The following YIPF1 variants were observed in gnomAD, a reference collection of about 807,000 sequenced individuals.
YIPF1 encodes the protein Yip1 domain family member 1, also known as protein YIPF1.
In YIPF1, 22 loss-of-function variants were observed where a neutral mutation model predicts 37.0. The ratio of observed to expected loss-of-function variants is 0.59; its 90% CI spans 0.42 to 0.85. The LOEUF (loss-of-function observed/expected upper bound fraction) is 0.85. Ranked by LOEUF, YIPF1 falls within the 40% of genes least tolerant of loss-of-function variation. The probability of loss-of-function intolerance (pLI) is 0.00; values close to 1 mark genes in which losing one functional copy is unlikely to be tolerated. For missense variants in YIPF1, 355 were observed against 373.1 expected (o/e 0.95, Z 0.40); for synonymous variants, 128 against 131.9 (o/e 0.97, Z 0.21).
intron 6 of YIPF1, among the ~76,000 whole-genome samples, chr1:53,877,881 T>C (rs999176838): frequency 1.6e-4 from 25 of 152,338 alleles, no homozygotes; most frequent in African/African-American, 5.8e-4. Flanking sequence ...CTCAAACTCC[T>C]TGGGCTCAAG....
intron 3 of YIPF1, 141 bp from the exon 4 acceptor site, chr1:53,883,417 A>C: frequency 1.1e-6 from 1 of 875,196 alleles, no homozygotes; most frequent in Non-Finnish European, 1.6e-6. Flanking sequence ...TTTGAAAAAC[A>C]AAAAATCTCA....
Position 53,884,234 on chromosome 1 carries a change from C to CAAAAAAAAA in YIPF1, c.32-967_32-959dup, listed in dbSNP as rs3058236. Among the ~76,000 whole-genome samples the CAAAAAAAAA allele has an allele frequency of 3.9e-4, 45 of 114,170 alleles. 1 individual carries two copies. The highest frequency in any genetic ancestry group is 1.5e-3 in the African/African-American group (44 of 30,148). 74.9% of individuals were successfully genotyped at this position (114,170 alleles called of 152,430 possible). Reference sequence around the variant, plus strand: ...TGGGCAAGAGAGTAAGACTTTGTCTCAAAAAAAAAAAAAAAAACCCAAAAA... The same window carrying CAAAAAAAAA: ...TGGGCAAGAGAGTAAGACTTTGTCTCAAAAAAAAAAAAAAAAAAAAAAAAAACCCAAAAA... On this transcript the variant is annotated intron_variant, in intron 3 of 10. Coordinates refer to ENST00000072644, the MANE Select transcript of YIPF1 (RefSeq NM_018982.5).
At chr1:53,883,834 T>C (rs984933095) in intron 3 of YIPF1, among the ~76,000 whole-genome samples, 3 of 151,946 alleles carry the variant, frequency 2.0e-5, no homozygotes, top group Admixed American at 1.3e-4. Flanking sequence ...GGTCAGGAGT[T>C]CGACCAGCCT....
At chr1:53,854,696 A>G (rs565573548) in intron 10 of YIPF1, among the ~76,000 whole-genome samples, 6 of 152,202 alleles carry the variant, frequency 3.9e-5, no homozygotes, top group Non-Finnish European at 8.8e-5. Context: ...CTGGGAGGGT[A>G]AGGACTGATC....
At chr1:53,868,273 C>T (rs896850103) in intron 7 of YIPF1, among the ~76,000 whole-genome samples, 1 of 152,134 alleles carries the variant, frequency 6.6e-6, no homozygotes, top group Non-Finnish European at 1.5e-5. Context: ...GTATTACACT[C>T]GGTGCTTTAT....
At chr1:53,860,257 T>A in intron 9 of YIPF1, 104 bp from the exon 10 acceptor site, 2 of 999,308 alleles carry the variant, frequency 2.0e-6, no homozygotes, top group Non-Finnish European at 3.0e-6. Context: ...TCACAGCCCC[T>A]AAGTTCTTCC....
intron 9 of YIPF1, among the ~76,000 whole-genome samples, chr1:53,863,400 G>A (rs776427279): frequency 4.6e-5 from 7 of 152,296 alleles, no homozygotes; most frequent in South Asian, 2.1e-4. Flanking sequence ...AGTGTCTGAC[G>A]ACACAGGCTC....
At chr1:53,876,458 T>A (rs1042239036) in intron 6 of YIPF1, among the ~76,000 whole-genome samples, 5 of 152,238 alleles carry the variant, frequency 3.3e-5, no homozygotes, top group Non-Finnish European at 2.9e-5. Context: ...CAACAAAACC[T>A]AATCCTCTCT....
chr1:53,866,409 G>A (rs1439756391), intron 8 of YIPF1, 27 bp from the exon 9 acceptor site: 6 of 1,605,196 alleles, frequency 3.7e-6, no homozygotes, highest in Non-Finnish European at 5.1e-6. Flanking sequence ...GGAGGAGCGG[G>A]GAGTTCTTGG....
intron 6 of YIPF1, among the ~76,000 whole-genome samples, chr1:53,877,208 T>A (rs1344244318): frequency 6.6e-6 from 1 of 152,016 alleles, no homozygotes; most frequent in African/African-American, 2.4e-5. Flanking sequence ...AGGCTACAAG[T>A]AAGAATGAAT....
intron 4 of YIPF1, among the ~76,000 whole-genome samples, chr1:53,879,751 A>G (rs1650439336): frequency 6.6e-6 from 1 of 152,254 alleles, no homozygotes; most frequent in Middle Eastern, 3.2e-3. Flanking sequence ...ATGGCCGATT[A>G]GAAGTAGCTG....
At chr1:53,878,966 T>G (rs1650409250) in intron 4 of YIPF1, among the ~76,000 whole-genome samples, 1 of 152,188 alleles carries the variant, frequency 6.6e-6, no homozygotes, top group Non-Finnish European at 1.5e-5. Context: ...GAGGGGAGCT[T>G]TGGCAAATCA....
At chr1:53,871,533 A>C (rs763978026) in intron 6 of YIPF1, 45 bp from the exon 7 acceptor site, 1 of 1,431,598 alleles carries the variant, frequency 7.0e-7, no homozygotes, top group Non-Finnish European at 9.8e-7. Context: ...AATGAAGCAT[A>C]AGCCTTTAGA....
intron 7 of YIPF1, among the ~76,000 whole-genome samples, chr1:53,867,468 G>C (rs1650061895): frequency 6.6e-6 from 1 of 150,780 alleles, no homozygotes; most frequent in Admixed American, 6.6e-5. Context: ...CGCCTCCCGG[G>C]TTCACGCCAT....
intron 4 of YIPF1, among the ~76,000 whole-genome samples, chr1:53,880,951 A>G (rs1244776399): frequency 6.6e-6 from 1 of 152,082 alleles, no homozygotes; most frequent in Non-Finnish European, 1.5e-5. Flanking sequence ...CACAAAACTA[A>G]AAAAACCCTA....
At position 53,883,267 on chromosome 1, in the gene YIPF1, T is replaced by C. The variant is rs568779828; in HGVS notation, c.41A>G (p.Asn14Ser). The change falls in exon 4 of 11, where the codon AAT (asparagine) becomes AGT (serine). Residue 14 changes from asparagine to serine, a missense_variant. By Grantham distance (46) the Asn-to-Ser change is conservative. Transcript: ENST00000072644. ...VDDLQFEEFG[N>S]AATSLTANPD... Reference sequence around the variant, plus strand: ...GTTTGCTGTCAGAGAAGTGGCTGCATTGCCAAATTCTGAAATCAATTAGAG... The same window carrying C: ...GTTTGCTGTCAGAGAAGTGGCTGCACTGCCAAATTCTGAAATCAATTAGAG... The C allele has an allele frequency of 5.1e-6, 8 of 1,566,286 alleles. No homozygotes were observed. Among genetic ancestry groups the C allele is most frequent in the South Asian group, 2.4e-5 (2 of 83,204 alleles).
intron 4 of YIPF1, among the ~76,000 whole-genome samples, chr1:53,881,926 A>C (rs1230882249): frequency 6.6e-6 from 1 of 152,242 alleles, no homozygotes; most frequent in African/African-American, 2.4e-5. Flanking sequence ...TCACTGCAGC[A>C]CTATTCACAA....
intron 3 of YIPF1, 107 bp downstream of exon 3, chr1:53,888,800 T>G: frequency 1.8e-6 from 2 of 1,138,934 alleles, no homozygotes; most frequent in Non-Finnish European, 1.2e-6. Flanking sequence ...ACCAAGATGT[T>G]TGAAATAATA....
chr1:53,885,323 G>A (rs537199087), intron 3 of YIPF1, among the ~76,000 whole-genome samples: 7 of 152,308 alleles, frequency 4.6e-5, no homozygotes, highest in Admixed American at 2.0e-4. Flanking sequence ...CAGTTAAAAA[G>A]CAGTAGTTAA....
Sources: gnomAD v4.1 joint callset for allele counts (sites outside exome capture counted in the v4.1 genomes callset) on GRCh38, gnomAD v4.1.1 for gene constraint, MANE v1.5 for transcripts, NCBI Gene and HGNC (gene_info 2026-07-23, HGNC 2026-07-21) for gene names.